The following IFT140 variants were observed in gnomAD, a reference collection of about 807,000 sequenced individuals.
The protein encoded by IFT140 is intraflagellar transport protein 140 homolog.
A neutral mutation model predicts 164.6 loss-of-function variants in IFT140; 133 were observed. The ratio of observed to expected loss-of-function variants is 0.81; its 90% CI spans 0.70 to 0.93. The LOEUF (loss-of-function observed/expected upper bound fraction) is 0.93, where lower values mean the gene tolerates loss of function less well. Ranked by LOEUF, IFT140 falls within the 40% of genes least tolerant of loss-of-function variation. The probability of loss-of-function intolerance (pLI) is 0.00; values close to 1 mark genes in which losing one functional copy is unlikely to be tolerated. For missense variants in IFT140, 2,045 were observed against 1,972.3 expected, an observed-to-expected ratio of 1.04 and a Z score of -0.70; for synonymous variants, 860 against 817.3, an observed-to-expected ratio of 1.05 and a Z score of -0.89.
chr16:1,576,286 T>TAA lies in IFT140; in HGVS notation c.1524+4471_1524+4472dup, dbSNP rs35262072. Among the ~76,000 whole-genome samples, 490 of 115,346 alleles carry TAA rather than the reference T, an allele frequency of 4.2e-3. 2 individuals carry two copies. Among genetic ancestry groups the TAA allele is most frequent in the African/African-American group, 0.014 (439 of 30,626 alleles). The allele number at this position is 115,346 out of a possible 152,430, so 75.7% of individuals were successfully genotyped here. ...GGGCAACAGAGTGAGACTCTGTCTT[T>TAA]AAAAAAAAAAAAAAAAAAAGTATGG... On this transcript the variant is annotated intron_variant, in intron 13 of 30. Transcript: ENST00000426508.
Position 1,583,417 on chromosome 16 carries a change from G to A in IFT140, c.1360-31C>T, listed in dbSNP as rs368209410. The A allele has an allele frequency of 6.8e-6, 11 of 1,607,254 alleles. No individual in the cohort carries two copies. The African/African-American group carries it at 1.3e-4, about 20-fold the overall frequency. On this transcript the variant is annotated intron_variant, in intron 11 of 30. Coordinates refer to ENST00000426508, the MANE Select transcript of IFT140 (RefSeq NM_014714.4). ...AAGAACCACGGACATTCGAGGCAAAGGGCGGGAAAAGTGAGGTGCAACTGT... is the reference window on the plus strand; with the variant it reads ...AAGAACCACGGACATTCGAGGCAAAAGGCGGGAAAAGTGAGGTGCAACTGT...
intron 14 of IFT140, among the ~76,000 whole-genome samples, chr16:1,570,025 G>T (rs532447310): frequency 6.6e-6 from 1 of 152,300 alleles, no homozygotes; most frequent in African/African-American, 2.4e-5. Flanking sequence ...CTGTGTCTCT[G>T]TGACCCCCAC....
intron 19 of IFT140, among the ~76,000 whole-genome samples, chr16:1,543,748 G>C (rs1470081328): frequency 6.6e-6 from 1 of 152,202 alleles, no homozygotes; most frequent in African/African-American, 2.4e-5. Flanking sequence ...GAGGTACCCA[G>C]GCTAGGAAAG....
chr16:1,564,036 A>C lies in IFT140; in HGVS notation c.2028T>G (p.Ser676=). The change falls in exon 17 of 31, where the codon TCT becomes TCG. Residue 676 remains serine, a synonymous_variant. Transcript: ENST00000426508. The surrounding 1 kb of genome is among the most constrained non-coding windows in gnomAD (Gnocchi z 5.5). ...GCCCATCTTGGGGCTGCCCGTTTGC[A>C]GACTGAGGCTGGGAGCGCGGCGTCT... ...VQETPRSQPQ[S]ANGQPQDGRA... is the part of the protein sequence containing the mutation. 6.3e-7 allele frequency: 1 copy of C among 1,597,076 alleles called. No individual in the cohort carries two copies. The highest frequency in any genetic ancestry group is 8.6e-7 in the Non-Finnish European group (1 of 1,166,764).
At position 1,520,284 on chromosome 16, in the gene IFT140, C is replaced by T. The variant is rs2040480464; in HGVS notation, c.3720G>A (p.Val1240=). 1.9e-6 allele frequency: 3 copies of T among 1,614,218 alleles called. No individual in the cohort carries two copies. Among genetic ancestry groups the T allele is most frequent in the South Asian group, 2.2e-5 (2 of 91,088 alleles). ...DTEKITFFAS[V]SRQKEIYIMA... is the part of the protein sequence containing the mutation. ...TGATGTAGATTTCCTTCTGCCTGGA[C>T]ACGCTCGCGAAGAACGTGATTTTCT... The change falls in exon 28 of 31, where the codon GTG becomes GTA. Residue 1240 remains valine, a synonymous_variant. Transcript: ENST00000426508.
At chr16:1,525,710 G>A (rs2040668835) in intron 21 of IFT140, among the ~76,000 whole-genome samples, 177 bp downstream of exon 21, 1 of 152,198 alleles carries the variant, frequency 6.6e-6, no homozygotes, top group Admixed American at 6.5e-5. Flanking sequence ...GGATGGAAGG[G>A]GCAACCCCAC....
chr16:1,542,030 C>T (rs374082360), intron 19 of IFT140: 26 of 1,611,088 alleles, frequency 1.6e-5, no homozygotes, highest in African/African-American at 1.3e-4. Flanking sequence ...TGTCACCCGA[C>T]GCCCCGTGCT....
chr16:1,524,420 G>A lies in IFT140; in HGVS notation c.3141+132C>T, dbSNP rs550986878. On this transcript the variant is annotated intron_variant, in intron 24 of 30. Coordinates refer to ENST00000426508, the MANE Select transcript of IFT140 (RefSeq NM_014714.4). ...AGGGGTGGGCGGGTGAGGCAGACGGGGTGAGCAGTGAGTGGCAGACACTGG... is the reference window on the plus strand; with the variant it reads ...AGGGGTGGGCGGGTGAGGCAGACGGAGTGAGCAGTGAGTGGCAGACACTGG... The A allele has an allele frequency of 7.4e-6, 9 of 1,224,332 alleles. No homozygotes were observed. In the African/African-American group the frequency reaches 1.4e-4, roughly 18 times the overall value. 75.8% of individuals were successfully genotyped at this position (1,224,332 alleles called of 1,614,324 possible).
At chr16:1,556,902 C>T (rs568560249) in intron 19 of IFT140, among the ~76,000 whole-genome samples, 2 of 152,176 alleles carry the variant, frequency 1.3e-5, no homozygotes, top group African/African-American at 2.4e-5. Flanking sequence ...CTCCACCTCC[C>T]GGGTTCAAGC....
intron 19 of IFT140, among the ~76,000 whole-genome samples, chr16:1,529,031 G>A (rs1395192362): frequency 2.0e-5 from 3 of 152,204 alleles, no homozygotes; most frequent in Non-Finnish European, 4.4e-5. Context: ...CTGAGTCTAG[G>A]GGCTGGACGC....
chr16:1,560,434 G>A (rs527592275), intron 18 of IFT140, among the ~76,000 whole-genome samples: 52 of 152,334 alleles, frequency 3.4e-4, no homozygotes, highest in African/African-American at 1.2e-3. Context: ...AGCAGAGCCC[G>A]AGGACCAGAG....
chr16:1,517,306 C>T (rs1290642039), intron 30 of IFT140, among the ~76,000 whole-genome samples: 12 of 150,592 alleles, frequency 8.0e-5, no homozygotes, highest in Admixed American at 2.0e-4. Context: ...GCCGAGATCG[C>T]GCCACTGCGC....
rs534298848 is a variant in IFT140, at chr16:1,598,436, C to T, written c.369+3934G>A. 5.9e-5 allele frequency among the ~76,000 whole-genome samples: 9 copies of T among 151,920 alleles called. No individual in the cohort carries two copies. In the East Asian group the frequency reaches 1.5e-3, roughly 26 times the overall value. Reference sequence around the variant, plus strand: ...TGGCGCCACTGCACTCCAGCCTGAGCGACAGAGTGAGACTCTGTCTCAAAA... The same window carrying T: ...TGGCGCCACTGCACTCCAGCCTGAGTGACAGAGTGAGACTCTGTCTCAAAA... On this transcript the variant is annotated intron_variant, in intron 4 of 30. Transcript: ENST00000426508.
chr16:1,524,046 C>T, intron 24 of IFT140, 90 bp from the exon 25 acceptor site: 1 of 1,503,548 alleles, frequency 6.7e-7, no homozygotes, highest in Non-Finnish European at 8.9e-7. Flanking sequence ...TGCGAACCCG[C>T]CCCTTCACTT....
Position 1,523,533 on chromosome 16 carries a change from C to T in IFT140, c.3438G>A (p.Leu1146=). ...HSQYERAVEL[L]LAARKYQEAL... ...GGCCCCGTACCTTCCTGGCAGCCAG[C>T]AGCAGCTCTACCGCCCTCTCGTACT... The change falls in exon 26 of 31, where the codon CTG becomes CTA. Residue 1146 remains leucine, a synonymous_variant. Coordinates refer to ENST00000426508, the MANE Select transcript of IFT140 (RefSeq NM_014714.4). 1 of 1,611,766 alleles carries T rather than the reference C, an allele frequency of 6.2e-7. No homozygotes were observed. Among genetic ancestry groups the T allele is most frequent in the African/African-American group, 1.3e-5 (1 of 75,070 alleles).
chr16:1,592,380 G>A (rs2035225002), intron 5 of IFT140, 62 bp from the exon 6 acceptor site: 1 of 1,611,632 alleles, frequency 6.2e-7, no homozygotes, highest in African/African-American at 1.3e-5. Flanking sequence ...CTCAGGGCTG[G>A]GGCCCCTCCT....
intron 19 of IFT140, among the ~76,000 whole-genome samples, chr16:1,529,278 T>G (rs988018512): frequency 3.3e-5 from 5 of 152,124 alleles, no homozygotes; most frequent in African/African-American, 1.2e-4. Context: ...GGAGAGGGTG[T>G]GTCCAAACCC....
rs537652041 is a variant in IFT140, at chr16:1,541,072, G to A, written c.2400-14276C>T. ...GCCCTGGTCCCTGAGGGCAACAAACGCACCTCCCTCTGAAGTTCACTCACA... is the reference window on the plus strand; with the variant it reads ...GCCCTGGTCCCTGAGGGCAACAAACACACCTCCCTCTGAAGTTCACTCACA... On this transcript the variant is annotated intron_variant, in intron 19 of 30. Coordinates refer to ENST00000426508, the MANE Select transcript of IFT140 (RefSeq NM_014714.4). The A allele has an allele frequency of 6.3e-5, 62 of 985,424 alleles. 2 individuals carry two copies. The South Asian group carries it at 2.3e-3, about 36-fold the overall frequency. The allele number at this position is 985,424 out of a possible 1,614,324, so 61.0% of individuals were successfully genotyped here.
At chr16:1,603,597 G>A (rs2035902910) in intron 3 of IFT140, among the ~76,000 whole-genome samples, 1 of 152,014 alleles carries the variant, frequency 6.6e-6, no homozygotes, top group African/African-American at 2.4e-5. Context: ...CGATTCTCCT[G>A]CCTCAGCCTC....
Sources: allele counts gnomAD v4.1 joint callset (sites outside exome capture counted in the v4.1 genomes callset), GRCh38; gene constraint gnomAD v4.1.1; non-coding constraint Gnocchi (gnomAD v3.1); transcripts MANE v1.5; gene names NCBI Gene and HGNC (gene_info 2026-07-23, HGNC 2026-07-21).